AGO2: variants seen among roughly 807,000 people sequenced by gnomAD.
AGO2 encodes the protein argonaute RISC catalytic component 2.
In AGO2, 5 loss-of-function variants were observed where a neutral mutation model predicts 102.3. The ratio of observed to expected loss-of-function variants is 0.05; its 90% CI spans 0.03 to 0.10. AGO2 has a LOEUF of 0.10. Among genes scored for constraint, AGO2 ranks in the 10% least tolerant of loss-of-function variants. The pLI is 1.00. For missense variants in AGO2, 541 were observed against 1,183.7 expected, an observed-to-expected ratio of 0.46 and a Z score of 7.97; for synonymous variants, 449 against 473.1, an observed-to-expected ratio of 0.95 and a Z score of 0.66.
chr8:140,550,639 T>C (rs2072979156), intron 11 of AGO2, among the ~76,000 whole-genome samples: 1 of 152,182 alleles, frequency 6.6e-6, no homozygotes, highest in African/African-American at 2.4e-5. Flanking sequence ...TTTCTTGAGA[T>C]GGGGTCTTGC....
upstream of AGO2, chr8:140,636,568 C>A (rs2074411353): frequency 6.6e-6 from 1 of 152,286 alleles, no homozygotes; most frequent in Non-Finnish European, 1.5e-5. Flanking sequence ...CATCGGCTGT[C>A]TGCATATGGG....
intron 2 of AGO2, among the ~76,000 whole-genome samples, chr8:140,580,764 T>A (rs984917032): frequency 6.6e-6 from 1 of 152,248 alleles, no homozygotes; most frequent in Non-Finnish European, 1.5e-5. Context: ...GACATTTTCC[T>A]ATGCTGTTTT....
chr8:140,555,585 C>T, intron 10 of AGO2: 1 of 278,386 alleles, frequency 3.6e-6, no homozygotes, highest in South Asian at 8.0e-5. Flanking sequence ...AAAAGCAGTA[C>T]AGCCTTCTGG....
intron 1 of AGO2, among the ~76,000 whole-genome samples, chr8:140,615,861 A>C (rs2074136128): frequency 6.6e-6 from 1 of 152,244 alleles, no homozygotes; most frequent in South Asian, 2.1e-4. Flanking sequence ...TTTAGAAAAC[A>C]AACTTTGACA....
Position 140,521,720 on chromosome 8 carries a change from C to T in AGO2, c.*10324G>A, listed in dbSNP as rs1449663725. ...CTCTGCCTCCACAAAGCCACGAGCTCTGGCTCGCCCCTTTCTGTCCATGGC... is the reference window on the plus strand; with the variant it reads ...CTCTGCCTCCACAAAGCCACGAGCTTTGGCTCGCCCCTTTCTGTCCATGGC... On this transcript the variant is annotated 3_prime_UTR_variant, in exon 19 of 19. Transcript: ENST00000220592. 1 of 152,278 alleles carries T rather than the reference C, an allele frequency of 6.6e-6. No homozygotes were observed. Among genetic ancestry groups the T allele is most frequent in the African/African-American group, 2.4e-5 (1 of 41,478 alleles). 9.4% of individuals were successfully genotyped at this position (152,278 alleles called of 1,614,324 possible). A position where few individuals can be genotyped will look rare whatever the true frequency, so the allele number is the denominator to read the frequency against.
At chr8:140,578,023 G>A (rs561117181) in intron 2 of AGO2, among the ~76,000 whole-genome samples, 4 of 152,192 alleles carry the variant, frequency 2.6e-5, no homozygotes, top group African/African-American at 9.7e-5. Context: ...CACACCCGTG[G>A]AGTCGGCTGG....
intron 1 of AGO2, among the ~76,000 whole-genome samples, chr8:140,593,840 G>A (rs951666187): frequency 2.0e-5 from 3 of 152,010 alleles, no homozygotes; most frequent in Non-Finnish European, 2.9e-5. Flanking sequence ...CAGCACTCAC[G>A]GCTACCAGAG....
intron 1 of AGO2, among the ~76,000 whole-genome samples, chr8:140,605,014 T>C (rs575548808): frequency 2.0e-5 from 3 of 152,194 alleles, no homozygotes; most frequent in Non-Finnish European, 4.4e-5. Flanking sequence ...TGCTTCAAAA[T>C]ATTCAGGTAA....
chr8:140,563,816 C>T (rs2073239248), intron 3 of AGO2, among the ~76,000 whole-genome samples: 1 of 152,242 alleles, frequency 6.6e-6, no homozygotes, highest in Non-Finnish European at 1.5e-5. Context: ...GCACCAGGCA[C>T]ATTTGCTCGC....
intron 1 of AGO2, among the ~76,000 whole-genome samples, chr8:140,608,484 C>T (rs981487824): frequency 6.6e-6 from 1 of 152,266 alleles, no homozygotes; most frequent in Admixed American, 6.5e-5. Flanking sequence ...CATGCCCCCT[C>T]CCAGCGCTAT....
chr8:140,537,419 A>AG (rs1159736535), intron 16 of AGO2, among the ~76,000 whole-genome samples: 6 of 151,892 alleles, frequency 4.0e-5, no homozygotes, highest in Admixed American at 2.6e-4. Context: ...CTCCTGCCTC[A>AG]GCCTCCTGAG....
In AGO2 at chr8:140,526,472, C is replaced by T. The variant is rs1360878056; in HGVS notation, c.*5572G>A. The T allele has an allele frequency of 6.6e-6, 1 of 152,312 alleles. No individual in the cohort carries two copies. The highest frequency in any genetic ancestry group is 1.5e-5 in the Non-Finnish European group (1 of 68,044). 9.4% of individuals were successfully genotyped at this position (152,312 alleles called of 1,614,324 possible). On this transcript the variant is annotated 3_prime_UTR_variant, in exon 19 of 19. Transcript: ENST00000220592. The surrounding 1 kb of genome is among the most constrained non-coding windows in gnomAD (Gnocchi z 5.2). ...AGAGGTGACCCTGGTCCACCTGACA[C>T]AGTAGAGGAGGAGGGGCTGCCCGTG...
intron 1 of AGO2, among the ~76,000 whole-genome samples, chr8:140,586,532 A>G (rs4961222): frequency 0.79 from 120,313 of 152,110 alleles, 47,835 homozygotes; most frequent in Admixed American, 0.84. Context: ...CTCAAGCAGC[A>G]CCCATGCTGC....
At chr8:140,607,480 A>G (rs1251043772) in intron 1 of AGO2, among the ~76,000 whole-genome samples, 1 of 16,014 alleles carries the variant, frequency 6.2e-5, no homozygotes, top group East Asian at 1.1e-3. Context: ...ATATATATAT[A>G]TATATATATA....
Position 140,562,557 on chromosome 8 carries a change from C to T in AGO2, c.414G>A (p.Val138=), listed in dbSNP as rs1273147161. ...GTGCATCGTGTAACGCCTGCAAGCT[C>T]ACGCAGGACACCCACTTGATGGACA... ...FKVSIKWVSC[V]SLQALHDALS... is the part of the protein sequence containing the mutation. Residue 138 remains valine (V), a synonymous_variant, in exon 4 of 19, where the codon GTG becomes GTA. Transcript: ENST00000220592. The T allele has an allele frequency of 1.2e-6, 2 of 1,614,138 alleles. No individual in the cohort carries two copies. The highest frequency in any genetic ancestry group is 1.3e-5 in the African/African-American group (1 of 75,066).
chr8:140,558,812 C>A (rs1427866669), intron 6 of AGO2, among the ~76,000 whole-genome samples: 1 of 152,176 alleles, frequency 6.6e-6, no homozygotes, highest in Non-Finnish European at 1.5e-5. Flanking sequence ...GGGTGTCCAC[C>A]CTCGTGCTGT....
In AGO2 at chr8:140,523,021, A is replaced by G. The variant is rs1307582795; in HGVS notation, c.*9023T>C. On this transcript the variant is annotated 3_prime_UTR_variant, in exon 19 of 19. Coordinates refer to ENST00000220592, the MANE Select transcript of AGO2 (RefSeq NM_012154.5). ...TGTATTTAGCAGGTACTATAATTTT[A>G]TAATTAATTTTACAATTCATGTAGC... The G allele has an allele frequency of 6.6e-6, 1 of 152,242 alleles. No homozygotes were observed. Among genetic ancestry groups the G allele is most frequent in the Non-Finnish European group, 1.5e-5 (1 of 68,042 alleles). 9.4% of individuals were successfully genotyped at this position (152,242 alleles called of 1,614,324 possible). A position where few individuals can be genotyped will look rare whatever the true frequency, so the allele number is the denominator to read the frequency against.
intron 1 of AGO2, chr8:140,592,275 G>A (rs1337821960): frequency 2.0e-5 from 3 of 152,246 alleles, no homozygotes; most frequent in Non-Finnish European, 4.4e-5. Context: ...CCCGCACGCT[G>A]GTCCAGGGCT....
the AGO2 span, among the ~76,000 whole-genome samples, chr8:140,641,608 G>T: frequency 6.6e-6 from 1 of 152,150 alleles, no homozygotes; most frequent in African/African-American, 2.4e-5. Context: ...TTTTGAGACA[G>T]ATTCTCACTC....
Sources: allele counts gnomAD v4.1 joint callset (sites outside exome capture counted in the v4.1 genomes callset), GRCh38; gene constraint gnomAD v4.1.1; non-coding constraint Gnocchi (gnomAD v3.1); transcripts MANE v1.5; gene names NCBI Gene and HGNC (gene_info 2026-07-23, HGNC 2026-07-21).